NPHP4: variants seen among roughly 807,000 people sequenced by gnomAD.
NPHP4 encodes the protein nephrocystin 4.
NPHP4 carries 151 observed loss-of-function variants against 155.8 expected under a neutral mutation model. The ratio of observed to expected loss-of-function variants is 0.97; its 90% CI spans 0.85 to 1.11. NPHP4 has a LOEUF of 1.11. NPHP4 is among the 50% of genes least tolerant of loss of function. The pLI, the probability that NPHP4 is intolerant of heterozygous loss-of-function variation, is 0.00. For missense variants in NPHP4, 1,956 were observed against 1,925.7 expected (o/e 1.02, Z -0.29); for synonymous variants, 845 against 816.8 (o/e 1.03, Z -0.59).
At position 5,905,623 on chromosome 1, in the gene NPHP4, A is replaced by G. The variant is rs1297751600; in HGVS notation, c.1763+9T>C. 2 of 1,613,780 alleles carry G rather than the reference A, an allele frequency of 1.2e-6. No homozygotes were observed. Among genetic ancestry groups the G allele is most frequent in the African/African-American group, 2.7e-5 (2 of 75,018 alleles). ...GACTGGTTCCATCCCACCCAGACCC[A>G]CACCTCACCTCCTGGTCTGGGTTCC... is the stretch of plus-strand genomic sequence containing the variant. On this transcript the variant is annotated intron_variant, in intron 14 of 29. Transcript: ENST00000378156. The surrounding 1 kb of genome is among the most constrained non-coding windows in gnomAD (Gnocchi z 4.0).
intron 10 of NPHP4, among the ~76,000 whole-genome samples, chr1:5,928,181 T>TTGCCC (rs144100955): frequency 0.025 from 3,843 of 152,200 alleles, 153 homozygotes; most frequent in African/African-American, 0.084. Context: ...GGGTGCTCCC[T>TTGCCC]TGCCCTGCCC....
At chr1:5,966,199 G>A (rs2050653) in intron 5 of NPHP4, among the ~76,000 whole-genome samples, 100,439 of 151,882 alleles carry the variant, frequency 0.66, 33,151 homozygotes, top group East Asian at 0.76. Flanking sequence ...CTCCTATCAC[G>A]AGATTGTCAC....
At chr1:5,942,157 A>G (rs1646851178) in intron 9 of NPHP4, among the ~76,000 whole-genome samples, 1 of 152,156 alleles carries the variant, frequency 6.6e-6, no homozygotes, top group Non-Finnish European at 1.5e-5. Context: ...ACGGACCACT[A>G]CCAGGAAGGC....
At position 5,871,029 on chromosome 1, in the gene NPHP4, T is replaced by C. The variant is rs562019023; in HGVS notation, c.3315+2223A>G. 4.6e-5 allele frequency among the ~76,000 whole-genome samples: 7 copies of C among 152,298 alleles called. No individual in the cohort carries two copies. The South Asian group carries it at 1.2e-3, about 27-fold the overall frequency. The stretch of plus-strand genomic sequence containing the variant: ...GCTCTCCTTTGACCACAGAGGACAG[T>C]GGCCTTATTTTCAAGATAACCCAGC... On this transcript the variant is annotated intron_variant, in intron 23 of 29. Transcript: ENST00000378156.
intron 26 of NPHP4, chr1:5,865,551 C>A: frequency 2.6e-6 from 1 of 384,196 alleles, no homozygotes; most frequent in Non-Finnish European, 4.7e-6. Context: ...GCTTAGGAAC[C>A]ACATGTCAAA....
rs745926084 is a variant in NPHP4, at chr1:5,864,058, C to T, written c.3997-25G>A. 4.3e-5 allele frequency: 70 copies of T among 1,609,546 alleles called. No homozygotes were observed. The South Asian group carries it at 4.9e-4, about 11-fold the overall frequency. On this transcript the variant is annotated intron_variant, in intron 28 of 29. Transcript: ENST00000378156. ...CCTGTGGAGGGAGGGGACAGGGAGA[C>T]GCTGCGGCCACTCACGGGAACAGCC...
rs1645059863 is a variant in NPHP4, at chr1:5,909,213, C to T, written c.1442G>A (p.Ser481Asn). The T allele has an allele frequency of 1.2e-6, 2 of 1,601,544 alleles. No individual in the cohort carries two copies. Among genetic ancestry groups the T allele is most frequent in the Non-Finnish European group, 1.7e-6 (2 of 1,174,364 alleles). Residue 481 changes from serine to asparagine, a missense_variant and splice_region_variant, in exon 12 of 30, where the codon AGC becomes AAC. Transcript: ENST00000378156. ...AACTCGAGGTACTGGCGCTGGCGGG[C>T]CTGGGAGGAAGCACAGTGGGGTAGG... is the stretch of plus-strand genomic sequence containing the variant. ...PSRKPPTSPSSPPAPVPRVLA... is the reference protein window; with the variant it reads ...PSRKPPTSPSNPPAPVPRVLA...
In NPHP4 at chr1:5,927,765, G is replaced by T; in HGVS notation, c.1325C>A (p.Thr442Lys). The change falls in exon 11 of 30, where the codon ACA (threonine) becomes AAA (lysine). Residue 442 changes from threonine (T) to lysine (K), a missense_variant. Physicochemically the swap from Thr to Lys is moderately conservative, Grantham distance 78. Coordinates refer to ENST00000378156, the MANE Select transcript of NPHP4 (RefSeq NM_015102.5). ...GCCCAGCGAGAACTGGAACCGGAGTGTACCCGACTCCACCTGCTTCACCTG... is the reference window on the plus strand; with the variant it reads ...GCCCAGCGAGAACTGGAACCGGAGTTTACCCGACTCCACCTGCTTCACCTG... The part of the protein sequence containing the change: ...SEEVKQVESG[T>K]LRFQFSLGSE... The T allele has an allele frequency of 6.2e-7, 1 of 1,611,888 alleles. No individual in the cohort carries two copies. Among genetic ancestry groups the T allele is most frequent in the South Asian group, 1.1e-5 (1 of 91,044 alleles).
At chr1:5,903,996 C>T (rs1644795013) in intron 16 of NPHP4, among the ~76,000 whole-genome samples, 1 of 152,210 alleles carries the variant, frequency 6.6e-6, no homozygotes, top group Admixed American at 6.5e-5. Context: ...GATCTAACTC[C>T]CAATTTACAG....
intron 16 of NPHP4, among the ~76,000 whole-genome samples, chr1:5,899,587 A>G (rs1292007406): frequency 1.3e-5 from 2 of 152,184 alleles, no homozygotes; most frequent in Non-Finnish European, 2.9e-5. Flanking sequence ...TCACTTGGTA[A>G]AATTTATACC....
intron 16 of NPHP4, among the ~76,000 whole-genome samples, chr1:5,903,488 C>T (rs555022008): frequency 1.3e-5 from 2 of 152,270 alleles, no homozygotes; most frequent in South Asian, 2.1e-4. Context: ...AGCTGGGTCC[C>T]TTATGAGCTG....
At position 5,986,128 on chromosome 1, in the gene NPHP4, G is replaced by A. The variant is rs767580463; in HGVS notation, c.135+27C>T. 27 of 1,612,040 alleles carry A rather than the reference G, an allele frequency of 1.7e-5. No individual in the cohort carries two copies. Among genetic ancestry groups the A allele is most frequent in the Admixed American group, 1.3e-4 (8 of 59,938 alleles). ...TCATGTCAGCTAAGAGCAATAACACGCATTTGCTAACAGCACATTTTGTTA... is the reference window on the plus strand; with the variant it reads ...TCATGTCAGCTAAGAGCAATAACACACATTTGCTAACAGCACATTTTGTTA... On this transcript the variant is annotated intron_variant, in intron 2 of 29. Coordinates refer to ENST00000378156, the MANE Select transcript of NPHP4 (RefSeq NM_015102.5).
In NPHP4 at chr1:5,927,741, C is replaced by A. The variant is rs1159252001; in HGVS notation, c.1349G>T (p.Gly450Val). The stretch of plus-strand genomic sequence containing the variant: ...GGGTGCATCCAGGTGTTCTTCTGAG[C>A]CCAGCGAGAACTGGAACCGGAGTGT... ...SGTLRFQFSL[G>V]SEEHLDAPTE... is the part of the protein sequence containing the mutation. The change falls in exon 11 of 30, where the codon GGC (glycine) becomes GTC (valine). Residue 450 changes from glycine to valine, a missense_variant. Coordinates refer to ENST00000378156, the MANE Select transcript of NPHP4 (RefSeq NM_015102.5). The A allele has an allele frequency of 6.2e-7, 1 of 1,613,434 alleles. No homozygotes were observed. The highest frequency in any genetic ancestry group is 1.7e-5 in the Admixed American group (1 of 59,992).
chr1:5,991,029 C>A (rs1031075674), intron 1 of NPHP4, among the ~76,000 whole-genome samples: 1 of 152,022 alleles, frequency 6.6e-6, no homozygotes, highest in Non-Finnish European at 1.5e-5. Context: ...AACAGGCCCC[C>A]GGGAGGGTGC....
chr1:5,968,999 C>T, intron 4 of NPHP4, 88 bp downstream of exon 4: 1 of 914,288 alleles, frequency 1.1e-6, no homozygotes, highest in Non-Finnish European at 1.7e-6. Flanking sequence ...TGCACTCTAG[C>T]CTGGTTGACA....
chr1:5,949,640 G>A (rs866807996), intron 7 of NPHP4, among the ~76,000 whole-genome samples: 2 of 151,940 alleles, frequency 1.3e-5, no homozygotes, highest in Non-Finnish European at 2.9e-5. Context: ...CAGCACCCCC[G>A]CAGGACAGTC....
At chr1:5,913,975 G>A (rs1233262944) in intron 11 of NPHP4, among the ~76,000 whole-genome samples, 1 of 152,044 alleles carries the variant, frequency 6.6e-6, no homozygotes, top group Non-Finnish European at 1.5e-5. Flanking sequence ...CGCCAGGCAC[G>A]CAGCTCCCCG....
At position 5,983,255 on chromosome 1, in the gene NPHP4, A is replaced by G. The variant is rs188013035; in HGVS notation, c.135+2900T>C. 2.6e-5 allele frequency among the ~76,000 whole-genome samples: 4 copies of G among 152,296 alleles called. No individual in the cohort carries two copies. The East Asian group carries it at 7.7e-4, about 29-fold the overall frequency. ...GTCCAATTTTGCTCTTTTGTACAAA[A>G]GAGTTATCAGAACAGACCTTACTGT... On this transcript the variant is annotated intron_variant, in intron 2 of 29. Transcript: ENST00000378156.
intron 10 of NPHP4, among the ~76,000 whole-genome samples, chr1:5,932,065 C>G (rs1277295039): frequency 6.6e-6 from 1 of 151,676 alleles, no homozygotes; most frequent in Non-Finnish European, 1.5e-5. Flanking sequence ...AGAGTAAGAC[C>G]CTGTCTCAAA....
Sources: gnomAD v4.1 joint callset for allele counts (sites outside exome capture counted in the v4.1 genomes callset) on GRCh38, gnomAD v4.1.1 for gene constraint, Gnocchi (gnomAD v3.1) non-coding constraint, MANE v1.5 for transcripts, NCBI Gene and HGNC (gene_info 2026-07-23, HGNC 2026-07-21) for gene names.